Variants in GALNTL6 observed in about 807,000 individuals in gnomAD.
The protein encoded by GALNTL6 is polypeptide N-acetylgalactosaminyltransferase like 6.
Under a neutral mutation model 73.7 loss-of-function variants are expected in GALNTL6, and 46 were observed. The observed-to-expected ratio is 0.62, with a 90% CI of 0.49 to 0.80. The LOEUF (loss-of-function observed/expected upper bound fraction) is 0.80, where lower values mean the gene tolerates loss of function less well. GALNTL6 is among the 30% of genes least tolerant of loss of function. GALNTL6 has a pLI of 0.00. For missense variants in GALNTL6, 604 were observed against 755.0 expected, an observed-to-expected ratio of 0.80 and a Z score of 2.34; for synonymous variants, 259 against 263.7, an observed-to-expected ratio of 0.98 and a Z score of 0.17.
chr4:172,982,765 AAAGAT>A (rs1460928045), intron 10 of GALNTL6, among the ~76,000 whole-genome samples: 2 of 152,236 alleles, frequency 1.3e-5, no homozygotes, highest in African/African-American at 4.8e-5. Context: ...GATGGAATGA[AAAGAT>A]AATACGAAAA....
intron 7 of GALNTL6, among the ~76,000 whole-genome samples, chr4:172,822,826 G>C (rs1419454155): frequency 3.9e-5 from 6 of 152,068 alleles, no homozygotes; most frequent in Admixed American, 6.5e-5. Flanking sequence ...TATCCACTTT[G>C]TTCTGCTTCC....
intron 2 of GALNTL6, among the ~76,000 whole-genome samples, chr4:171,946,444 C>T (rs1201121469): frequency 6.6e-6 from 1 of 152,164 alleles, no homozygotes; most frequent in East Asian, 1.9e-4. Flanking sequence ...TTTTCTACCT[C>T]TCCTTAACCA....
At position 172,180,124 on chromosome 4, in the gene GALNTL6, T is replaced by C. The variant is rs148491313; in HGVS notation, c.139-49532T>C. On this transcript the variant is annotated intron_variant, in intron 2 of 12. Transcript: ENST00000506823. The stretch of plus-strand genomic sequence containing the variant: ...CAGCATCTGTTGTTTCCTGACTTTT[T>C]AATGATTGCCATTCTAACTGGCGTG... Among the ~76,000 whole-genome samples, 411 of 152,352 alleles carry C rather than the reference T, an allele frequency of 2.7e-3. 2 individuals are homozygous for C. Among genetic ancestry groups the C allele is most frequent in the African/African-American group, 9.4e-3 (392 of 41,586 alleles).
intron 2 of GALNTL6, among the ~76,000 whole-genome samples, chr4:172,117,104 A>G (rs970898112): frequency 1.3e-5 from 2 of 152,148 alleles, no homozygotes; most frequent in Non-Finnish European, 1.5e-5. Context: ...AAATTGAGTA[A>G]ATTTTTAACT....
chr4:172,027,600 T>C (rs1741627607), intron 2 of GALNTL6, among the ~76,000 whole-genome samples: 1 of 151,792 alleles, frequency 6.6e-6, no homozygotes, highest in African/African-American at 2.4e-5. Flanking sequence ...AACCCTCTAA[T>C]GGCCTGTAGT....
At chr4:172,183,297 C>A (rs1735312807) in intron 2 of GALNTL6, among the ~76,000 whole-genome samples, 1 of 152,136 alleles carries the variant, frequency 6.6e-6, no homozygotes, top group South Asian at 2.1e-4. Flanking sequence ...CATTATATCT[C>A]CATCTTTTTT....
intron 5 of GALNTL6, among the ~76,000 whole-genome samples, chr4:172,594,698 A>G (rs1737786592): frequency 6.6e-6 from 1 of 152,230 alleles, no homozygotes; most frequent in African/African-American, 2.4e-5. Flanking sequence ...TTTTAATTTG[A>G]AAAAGGATCT....
intron 8 of GALNTL6, among the ~76,000 whole-genome samples, chr4:172,905,812 CAAAA>C (rs397996287): frequency 3.7e-4 from 26 of 69,682 alleles, no homozygotes; most frequent in Middle Eastern, 0.013. Context: ...AGAGATCACT[CAAAA>C]AAAAAAAAAA....
At chr4:172,335,666 A>G (rs1741290118) in intron 4 of GALNTL6, among the ~76,000 whole-genome samples, 1 of 152,260 alleles carries the variant, frequency 6.6e-6, no homozygotes, top group East Asian at 1.9e-4. Flanking sequence ...TTCCTGATTC[A>G]ATCTGGGGAG....
chr4:172,381,269 T>C (rs1287500536), intron 5 of GALNTL6, among the ~76,000 whole-genome samples: 1 of 152,222 alleles, frequency 6.6e-6, no homozygotes, highest in Non-Finnish European at 1.5e-5. Context: ...GGCTTATTGG[T>C]ATATAATTCA....
intron 2 of GALNTL6, among the ~76,000 whole-genome samples, chr4:171,855,876 T>G (rs979813552): frequency 6.6e-6 from 1 of 152,226 alleles, no homozygotes; most frequent in Admixed American, 6.5e-5. Flanking sequence ...TTGAGCATCT[T>G]GTCACATAAA....
intron 5 of GALNTL6, among the ~76,000 whole-genome samples, chr4:172,359,566 A>G (rs369621166): frequency 2.6e-5 from 4 of 152,196 alleles, no homozygotes; most frequent in South Asian, 2.1e-4. Context: ...ACTATGAATC[A>G]GACTTGGTTT....
chr4:172,739,386 T>C (rs9995075), intron 5 of GALNTL6, among the ~76,000 whole-genome samples: 54,681 of 152,048 alleles, frequency 0.36, 10,905 homozygotes, highest in African/African-American at 0.52. Flanking sequence ...CTCATTTGTT[T>C]GCAGGGTCTC....
intron 7 of GALNTL6, among the ~76,000 whole-genome samples, chr4:172,840,462 T>C (rs1472052259): frequency 6.6e-6 from 1 of 152,186 alleles, no homozygotes; most frequent in Non-Finnish European, 1.5e-5. Context: ...TGGATAATTC[T>C]CTTCTATCAT....
intron 5 of GALNTL6, among the ~76,000 whole-genome samples, chr4:172,559,071 T>TTTTG (rs1736251048): frequency 7.9e-6 from 1 of 125,794 alleles, no homozygotes; most frequent in Non-Finnish European, 1.7e-5. Context: ...TTTTTTTTTT[T>TTTTG]TTTTTTTTTT....
At chr4:171,907,181 A>G (rs1376320655) in intron 2 of GALNTL6, among the ~76,000 whole-genome samples, 2 of 152,098 alleles carry the variant, frequency 1.3e-5, no homozygotes, top group Admixed American at 1.3e-4. Context: ...AGGGTATTCA[A>G]TTAGGAAAAG....
At chr4:172,656,730 C>T (rs1177724865) in intron 5 of GALNTL6, among the ~76,000 whole-genome samples, 1 of 152,216 alleles carries the variant, frequency 6.6e-6, no homozygotes, top group South Asian at 2.1e-4. Context: ...AGAGCCTAAG[C>T]ACTCCTTAAA....
At chr4:172,740,006 T>A (rs528509932) in intron 5 of GALNTL6, among the ~76,000 whole-genome samples, 1 of 152,092 alleles carries the variant, frequency 6.6e-6, no homozygotes, top group African/African-American at 2.4e-5. Context: ...ATCTTACTGA[T>A]AATAAAAGCC....
chr4:172,693,901 T>A (rs1733483077), intron 5 of GALNTL6, among the ~76,000 whole-genome samples: 1 of 152,218 alleles, frequency 6.6e-6, no homozygotes, highest in African/African-American at 2.4e-5. Context: ...TACTTTTTAT[T>A]CAGTTATAAT....
Sources: allele counts gnomAD v4.1 joint callset (sites outside exome capture counted in the v4.1 genomes callset), GRCh38; gene constraint gnomAD v4.1.1; transcripts MANE v1.5; gene names NCBI Gene and HGNC (gene_info 2026-07-23, HGNC 2026-07-21).